The following SMC1B variants were observed in gnomAD, a reference collection of about 807,000 sequenced individuals.
The protein encoded by SMC1B is structural maintenance of chromosomes 1B.
In SMC1B, 60 loss-of-function variants were observed where a neutral mutation model predicts 157.9. That is an observed-to-expected ratio of 0.38 (90% CI 0.31 to 0.47). The LOEUF is 0.47. Ranked by LOEUF, SMC1B falls within the 20% of genes least tolerant of loss-of-function variation. The pLI, the probability that SMC1B is intolerant of heterozygous loss-of-function variation, is 0.99. For synonymous variants in SMC1B, 445 were observed against 483.0 expected, an observed-to-expected ratio of 0.92 and a Z score of 1.03; for missense variants, 1,165 against 1,426.2, an observed-to-expected ratio of 0.82 and a Z score of 2.95.
At chr22:45,346,022 G>T (rs985806056) in intron 23 of SMC1B, among the ~76,000 whole-genome samples, 3 of 151,846 alleles carry the variant, frequency 2.0e-5, no homozygotes, top group Non-Finnish European at 2.9e-5. Context: ...TGGCCAACAT[G>T]GTGAACCCCG....
At chr22:45,397,765 G>C (rs897801806) in intron 6 of SMC1B, among the ~76,000 whole-genome samples, 1 of 152,082 alleles carries the variant, frequency 6.6e-6, no homozygotes, top group Non-Finnish European at 1.5e-5. Flanking sequence ...GTCCATAAAA[G>C]CCCCAGACCC....
intron 1 of SMC1B, among the ~76,000 whole-genome samples, chr22:45,413,020 G>A (rs900970588): frequency 1.3e-5 from 2 of 151,536 alleles, no homozygotes; most frequent in Non-Finnish European, 2.9e-5. Flanking sequence ...GCCCAGGGCG[G>A]GACCGGGGCG....
At chr22:45,368,933 G>A (rs956899998) in intron 15 of SMC1B, among the ~76,000 whole-genome samples, 1 of 152,136 alleles carries the variant, frequency 6.6e-6, no homozygotes, top group Non-Finnish European at 1.5e-5. Context: ...GGTGTATTTG[G>A]CAATGGGGTG....
intron 15 of SMC1B, 123 bp from the exon 16 acceptor site, chr22:45,363,149 C>CTG: frequency 1.6e-6 from 1 of 634,960 alleles, no homozygotes; most frequent in South Asian, 2.5e-5. Context: ...TCCCAAGTAG[C>CTG]TGTCACCCAA....
Position 45,372,413 on chromosome 22 carries a change from C to T in SMC1B, c.2059-121G>A. 5 of 779,944 alleles carry T rather than the reference C, an allele frequency of 6.4e-6. No individual in the cohort carries two copies. In the South Asian group the frequency reaches 1.1e-4, roughly 17 times the overall value. The allele number at this position is 779,944 out of a possible 1,614,324, so 48.3% of individuals were successfully genotyped here. ...TACCACCACACCTGCACCTTACCTC[C>T]CTTTCCTCTGATAAGAGACTGGGCA... is the stretch of plus-strand genomic sequence containing the variant. On this transcript the variant is annotated intron_variant, in intron 12 of 24. Coordinates refer to ENST00000357450, the MANE Select transcript of SMC1B (RefSeq NM_148674.5).
chr22:45,382,436 A>C (rs1602074599), intron 12 of SMC1B, among the ~76,000 whole-genome samples: 1 of 152,232 alleles, frequency 6.6e-6, no homozygotes, highest in Non-Finnish European at 1.5e-5. Flanking sequence ...GACAGAAAGT[A>C]GATTGGGTTG....
chr22:45,401,480 A>C (rs1222839966), intron 5 of SMC1B, among the ~76,000 whole-genome samples: 1 of 152,256 alleles, frequency 6.6e-6, no homozygotes, highest in Non-Finnish European at 1.5e-5. Flanking sequence ...CCACGTGTAC[A>C]GTAGAAAAGC....
At chr22:45,357,713 C>T (rs765208695) in intron 19 of SMC1B, among the ~76,000 whole-genome samples, 1 of 152,104 alleles carries the variant, frequency 6.6e-6, no homozygotes, top group South Asian at 2.1e-4. Flanking sequence ...TTTAAAGTAA[C>T]CAATATATTT....
chr22:45,412,885 G>C (rs553105584), intron 1 of SMC1B, among the ~76,000 whole-genome samples: 36 of 152,292 alleles, frequency 2.4e-4, no homozygotes, highest in African/African-American at 7.2e-4. Flanking sequence ...TGGCTGCTTG[G>C]AACCCATTAC....
chr22:45,397,034 C>G (rs1397093319), intron 6 of SMC1B, among the ~76,000 whole-genome samples: 1 of 152,108 alleles, frequency 6.6e-6, no homozygotes, highest in Non-Finnish European at 1.5e-5. Flanking sequence ...TCGTTTATCT[C>G]TTTTATCAAT....
intron 13 of SMC1B, 141 bp from the exon 14 acceptor site, chr22:45,371,728 C>A (rs1411733918): frequency 3.8e-6 from 4 of 1,039,858 alleles, no homozygotes; most frequent in Non-Finnish European, 5.2e-6. Context: ...GGTTAAATAC[C>A]ACATAAATAA....
rs776351154 is a variant in SMC1B, at chr22:45,399,254, T to C, written c.954A>G (p.Ser318=). ...HLKKLDVAKK[S]IKDSEKQCSK... ...AACATTGTTTTTCGCTGTCCTTTAT[T>C]GATTTCTTAGCCACATCTAATTTCT... Residue 318 remains serine, a synonymous_variant, in exon 6 of 25, where the codon TCA becomes TCG. Transcript: ENST00000357450. The C allele has an allele frequency of 1.2e-6, 2 of 1,614,202 alleles. No homozygotes were observed. Among genetic ancestry groups the C allele is most frequent in the Admixed American group, 3.3e-5 (2 of 60,030 alleles).
chr22:45,364,096 G>A (rs2086748896), intron 15 of SMC1B, among the ~76,000 whole-genome samples: 1 of 152,116 alleles, frequency 6.6e-6, no homozygotes, highest in Admixed American at 6.5e-5. Flanking sequence ...TGATCCACCT[G>A]CCTCTGCCTC....
intron 19 of SMC1B, 149 bp from the exon 20 acceptor site, chr22:45,355,264 G>GT (rs2086658739): frequency 2.8e-6 from 2 of 712,772 alleles, no homozygotes; most frequent in African/African-American, 3.5e-5. Flanking sequence ...TGGAGGTGCA[G>GT]TCCTGCTGCA....
chr22:45,378,005 AT>A (rs1163998579), intron 12 of SMC1B, among the ~76,000 whole-genome samples: 3 of 151,914 alleles, frequency 2.0e-5, no homozygotes, highest in Non-Finnish European at 4.4e-5. Flanking sequence ...CTCCTGGCTA[AT>A]TTTTTAATTT....
chr22:45,406,312 C>A (rs574191876), intron 4 of SMC1B, 148 bp downstream of exon 4: 11 of 641,828 alleles, frequency 1.7e-5, no homozygotes, highest in Non-Finnish European at 2.8e-5. Flanking sequence ...GGAAATACAT[C>A]AAAAAGTTTA....
At chr22:45,389,937 TAGAG>T in intron 9 of SMC1B, 40 bp from the exon 10 acceptor site, 5 of 1,492,412 alleles carry the variant, frequency 3.4e-6, no homozygotes, top group Non-Finnish European at 4.6e-6. Flanking sequence ...ACAGATATAT[TAGAG>T]TGAAATATAT....
intron 11 of SMC1B, among the ~76,000 whole-genome samples, chr22:45,385,825 T>C (rs759616205): frequency 2.4e-4 from 36 of 152,124 alleles, no homozygotes; most frequent in Non-Finnish European, 3.8e-4. Flanking sequence ...GATCACATTA[T>C]GCTTAAGATT....
At chr22:45,401,473 C>T (rs1351924358) in intron 5 of SMC1B, among the ~76,000 whole-genome samples, 3 of 152,330 alleles carry the variant, frequency 2.0e-5, no homozygotes, top group African/African-American at 7.2e-5. Flanking sequence ...TTTGTCACCA[C>T]GTGTACAGTA....
Sources: allele counts gnomAD v4.1 joint callset (sites outside exome capture counted in the v4.1 genomes callset), GRCh38; gene constraint gnomAD v4.1.1; transcripts MANE v1.5; gene names NCBI Gene and HGNC (gene_info 2026-07-23, HGNC 2026-07-21).